The following ADSS1 variants were observed in gnomAD, a reference collection of about 807,000 sequenced individuals.
The protein encoded by ADSS1 is adenylosuccinate synthase 1.
A neutral mutation model predicts 59.1 loss-of-function variants in ADSS1; 57 were observed. The observed-to-expected ratio is 0.97, with a 90% confidence interval of 0.78 to 1.20. ADSS1 has a LOEUF of 1.20. Ranked by LOEUF, ADSS1 falls within the 50% of genes most tolerant of loss-of-function variation. ADSS1 has a pLI of 0.00. For missense variants in ADSS1, 603 were observed against 610.3 expected (o/e 0.99, Z 0.13); for synonymous variants, 247 against 249.4 (o/e 0.99, Z 0.09).
rs2140817332 is a variant in ADSS1 at position 104,742,006 on chromosome 14, A to G, written c.948+4A>G. 1.2e-6 allele frequency: 2 copies of G among 1,612,494 alleles called. No individual in the cohort carries two copies. Among genetic ancestry groups the G allele is most frequent in the East Asian group, 4.5e-5 (2 of 44,866 alleles). On this transcript the variant is annotated splice_donor_region_variant and intron_variant, in intron 9 of 12. Transcript: ENST00000330877. ...CTTCCCCACCGAGCAGATCAACGTG[A>G]GTCCCCAGCCCCTCGGGACCCCGTG...
chr14:104,731,600 C>T (rs1218706943), intron 1 of ADSS1, among the ~76,000 whole-genome samples: 1 of 152,196 alleles, frequency 6.6e-6, no homozygotes, highest in African/African-American at 2.4e-5. Flanking sequence ...GCTCTGCTTT[C>T]AGAGGAGCAG....
chr14:104,738,465 C>G, intron 3 of ADSS1, 27 bp downstream of exon 3: 1 of 1,611,994 alleles, frequency 6.2e-7, no homozygotes, highest in Middle Eastern at 1.8e-4. Context: ...GCAGACTTGC[C>G]CTGTCCCAGA....
chr14:104,732,530 C>T lies in ADSS1; in HGVS notation c.193-2490C>T, dbSNP rs568015813. On this transcript the variant is annotated intron_variant, in intron 1 of 12. Coordinates refer to ENST00000330877, the MANE Select transcript of ADSS1 (RefSeq NM_152328.5). ...TCCCAGGGGTGGCCTGGCACTGGCC[C>T]TGCGGTCATTGGACACCCACTGGCC... 3.7e-4 allele frequency among the ~76,000 whole-genome samples: 56 copies of T among 152,340 alleles called. 1 individual carries two copies. Among genetic ancestry groups the T allele is most frequent in the Middle Eastern group, 3.4e-3 (1 of 294 alleles).
At chr14:104,745,174 G>C (rs1039276668) in intron 11 of ADSS1, 1 of 410,312 alleles carries the variant, frequency 2.4e-6, no homozygotes, top group Non-Finnish European at 4.5e-6. Flanking sequence ...CAGACTACTC[G>C]CCTGGGACCC....
chr14:104,742,961 C>T (rs1170520968), intron 9 of ADSS1, 106 bp from the exon 10 acceptor site: 1 of 1,538,440 alleles, frequency 6.5e-7, no homozygotes, highest in Non-Finnish European at 8.8e-7. Flanking sequence ...GCGGGGCACC[C>T]TCAGGGATTC....
chr14:104,737,181 C>T (rs1448927596), intron 2 of ADSS1: 2 of 151,998 alleles, frequency 1.3e-5, no homozygotes, highest in Admixed American at 6.6e-5. Context: ...GTGTATCTGC[C>T]ACTATAGTAT....
chr14:104,739,836 C>T lies in ADSS1; in HGVS notation c.476+20C>T, dbSNP rs534054807. 1.1e-4 allele frequency: 180 copies of T among 1,613,210 alleles called. No individual in the cohort carries two copies. Among genetic ancestry groups the T allele is most frequent in the Non-Finnish European group, 1.5e-4 (175 of 1,179,820 alleles). ...GAAGAAGTAAGTCTGCCGGGACACT[C>T]TCACCCTCGGGGAGTCTTCTGGGCC... On this transcript the variant is annotated intron_variant, in intron 5 of 12. Transcript: ENST00000330877.
intron 10 of ADSS1, chr14:104,743,676 C>T (rs1891457170): frequency 5.9e-6 from 1 of 168,432 alleles, no homozygotes; most frequent in Non-Finnish European, 1.3e-5. Context: ...GCTTCCTTTC[C>T]AGCTCAGTCA....
chr14:104,738,926 TGTGAAAAGAG>T (rs1891225961), intron 3 of ADSS1, among the ~76,000 whole-genome samples: 1 of 151,470 alleles, frequency 6.6e-6, no homozygotes, highest in Admixed American at 6.6e-5. Context: ...GCGGGACGGG[TGTGAAAAGAG>T]CAAGAATGTG....
chr14:104,724,351 G>A lies in ADSS1; in HGVS notation c.81G>A (p.Ala27=). The A allele has an allele frequency of 8.0e-7, 1 of 1,244,734 alleles. No individual in the cohort carries two copies. The highest frequency in any genetic ancestry group is 4.2e-5 in the Admixed American group (1 of 23,870). The allele number at this position is 1,244,734 out of a possible 1,614,324, so 77.1% of individuals were successfully genotyped here. The change falls in exon 1 of 13, where the codon GCG becomes GCA. Residue 27 remains alanine (A), a synonymous_variant. Coordinates refer to ENST00000330877, the MANE Select transcript of ADSS1 (RefSeq NM_152328.5). ...GGGGGCGGCTGCAGCAGGAGGCGGC[G>A]GCGACCGGCTCCCGCGTGACGGTGG... The part of the protein sequence containing the change: ...VKRGRLQQEA[A]ATGSRVTVVL...
chr14:104,726,719 C>G (rs1295626129), intron 1 of ADSS1, among the ~76,000 whole-genome samples: 1 of 152,234 alleles, frequency 6.6e-6, no homozygotes. Flanking sequence ...ACCTCACCCT[C>G]TCACTCAAGG....
intron 1 of ADSS1, among the ~76,000 whole-genome samples, chr14:104,727,107 G>A (rs1448784777): frequency 6.6e-6 from 1 of 152,180 alleles, no homozygotes; most frequent in African/African-American, 2.4e-5. Flanking sequence ...ACTCTGCCCA[G>A]AGGTGATCTG....
intron 1 of ADSS1, among the ~76,000 whole-genome samples, chr14:104,732,741 A>T (rs866558068): frequency 2.6e-5 from 4 of 152,002 alleles, no homozygotes; most frequent in African/African-American, 4.8e-5. Flanking sequence ...GGCTGTGTAC[A>T]AGGGATAGGC....
At chr14:104,733,665 A>G (rs1389558915) in intron 1 of ADSS1, among the ~76,000 whole-genome samples, 2 of 152,126 alleles carry the variant, frequency 1.3e-5, no homozygotes, top group Non-Finnish European at 2.9e-5. Flanking sequence ...AGAATCCCCC[A>G]TGCGTAGACA....
chr14:104,745,935 A>T, intron 11 of ADSS1: 1 of 238,618 alleles, frequency 4.2e-6, no homozygotes, highest in East Asian at 8.2e-5. Context: ...AGAATTTCCA[A>T]GCCAAGGCTT....
chr14:104,724,487 T>TG, intron 1 of ADSS1, 25 bp downstream of exon 1: 3 of 1,154,484 alleles, frequency 2.6e-6, no homozygotes, highest in Non-Finnish European at 3.3e-6. Context: ...GCCGGGTCCC[T>TG]CCCCCACCGC....
chr14:104,728,251 G>A (rs1890778173), intron 1 of ADSS1, among the ~76,000 whole-genome samples: 1 of 152,148 alleles, frequency 6.6e-6, no homozygotes, highest in African/African-American at 2.4e-5. Flanking sequence ...CTTGGCCAGG[G>A]AATGCCTGGG....
chr14:104,733,882 C>G (rs962057345), intron 1 of ADSS1, among the ~76,000 whole-genome samples: 3 of 152,192 alleles, frequency 2.0e-5, no homozygotes, highest in Non-Finnish European at 4.4e-5. Context: ...GAGAGGGCAA[C>G]AGGAAGGGTC....
rs750850350 is a variant in ADSS1, at chr14:104,738,358, C to T, written c.296-18C>T. 3 of 1,613,292 alleles carry T rather than the reference C, an allele frequency of 1.9e-6. No individual in the cohort carries two copies. Among genetic ancestry groups the T allele is most frequent in the Non-Finnish European group, 2.5e-6 (3 of 1,179,490 alleles). On this transcript the variant is annotated intron_variant, in intron 2 of 12. Coordinates refer to ENST00000330877, the MANE Select transcript of ADSS1 (RefSeq NM_152328.5). ...CTGGGACACAACTCTGTCTCTCATG[C>T]CTCTGTCTCTCATGCAGGCAACGGG... is the stretch of plus-strand genomic sequence containing the variant.
Sources: allele counts gnomAD v4.1 joint callset (sites outside exome capture counted in the v4.1 genomes callset), GRCh38; gene constraint gnomAD v4.1.1; transcripts MANE v1.5; gene names NCBI Gene and HGNC (gene_info 2026-07-23, HGNC 2026-07-21).